Variants in ERC2 observed in about 807,000 individuals in gnomAD.
ERC2 encodes the protein ELKS/RAB6-interacting/CAST family member 2.
Under a neutral mutation model 114.8 loss-of-function variants are expected in ERC2, and 42 were observed. The ratio of observed to expected loss-of-function variants is 0.37; its 90% CI spans 0.29 to 0.47. The LOEUF (loss-of-function observed/expected upper bound fraction) is 0.47. Ranked by LOEUF, ERC2 falls within the 20% of genes least tolerant of loss-of-function variation. The probability of loss-of-function intolerance (pLI) is 0.99; values close to 1 mark genes in which losing one functional copy is unlikely to be tolerated. For missense variants in ERC2, 939 were observed against 1,150.7 expected, an observed-to-expected ratio of 0.82 and a Z score of 2.66; for synonymous variants, 454 against 425.5, an observed-to-expected ratio of 1.07 and a Z score of -0.82.
chr3:55,930,234 G>C (rs187115997), intron 13 of ERC2, among the ~76,000 whole-genome samples: 3 of 151,802 alleles, frequency 2.0e-5, no homozygotes, highest in Non-Finnish European at 4.4e-5. Flanking sequence ...GTGAGACTCC[G>C]TCTCAAGAAA....
At chr3:55,995,810 CAT>C (rs2071463120) in intron 10 of ERC2, among the ~76,000 whole-genome samples, 1 of 152,172 alleles carries the variant, frequency 6.6e-6, no homozygotes, top group Non-Finnish European at 1.5e-5. Context: ...GATCTACAGA[CAT>C]GAGTGATTCT....
chr3:56,250,180 T>C (rs1170546099), intron 3 of ERC2, among the ~76,000 whole-genome samples: 1 of 152,190 alleles, frequency 6.6e-6, no homozygotes, highest in African/African-American at 2.4e-5. Flanking sequence ...ATGGATATTC[T>C]TACACAGTAA....
At chr3:56,163,538 A>G (rs1026139681) in intron 4 of ERC2, among the ~76,000 whole-genome samples, 16 of 151,870 alleles carry the variant, frequency 1.1e-4, no homozygotes, top group African/African-American at 3.9e-4. Context: ...CATATTTTTG[A>G]CTCTGAGTGC....
Position 55,834,848 on chromosome 3 carries a change from A to G in ERC2, c.2564+53541T>C, listed in dbSNP as rs368513455. ...AAAGGATCAACAAAACTGATAGACC[A>G]CTAGCAAGACTAATAAAGAAGAAAA... On this transcript the variant is annotated intron_variant, in intron 14 of 17. Coordinates refer to ENST00000288221, the MANE Select transcript of ERC2 (RefSeq NM_015576.3). 4.4e-5 allele frequency among the ~76,000 whole-genome samples: 6 copies of G among 137,546 alleles called. No individual in the cohort carries two copies. In the East Asian group the frequency reaches 8.4e-4, roughly 19 times the overall value. 90.2% of individuals were successfully genotyped at this position (137,546 alleles called of 152,430 possible). A position where few individuals can be genotyped will look rare whatever the true frequency, so the allele number is the denominator to read the frequency against.
intron 12 of ERC2, among the ~76,000 whole-genome samples, chr3:55,972,841 A>C (rs951638371): frequency 1.3e-5 from 2 of 152,152 alleles, no homozygotes; most frequent in Non-Finnish European, 2.9e-5. Context: ...AGAGGTTTGC[A>C]GGTATATAGA....
intron 7 of ERC2, among the ~76,000 whole-genome samples, chr3:56,023,202 T>C (rs1050975200): frequency 6.6e-6 from 1 of 152,154 alleles, no homozygotes; most frequent in Admixed American, 6.5e-5. Context: ...CCTCCTTCCA[T>C]TTGGTCTCCA....
intron 17 of ERC2, among the ~76,000 whole-genome samples, chr3:55,615,773 G>A (rs2148581391): frequency 6.6e-6 from 1 of 152,248 alleles, no homozygotes; most frequent in East Asian, 1.9e-4. Flanking sequence ...GTCTTTACGA[G>A]GAAGCAATTC....
chr3:55,936,941 G>A (rs372059776), intron 13 of ERC2, among the ~76,000 whole-genome samples: 34 of 152,146 alleles, frequency 2.2e-4, no homozygotes, highest in Non-Finnish European at 5.9e-5. Flanking sequence ...ACCATCACCC[G>A]AAACTTATCA....
chr3:56,313,001 CATATATATATAT>C lies in ERC2; in HGVS notation c.658-16578_658-16567del, dbSNP rs3055903. On this transcript the variant is annotated intron_variant, in intron 2 of 17. Transcript: ENST00000288221. ...TTAATATTTAGTGAATATGTATATT[CATATATATATAT>C]ATATATATATATATATATATATATG... 1.4e-3 allele frequency among the ~76,000 whole-genome samples: 63 copies of C among 43,880 alleles called. 1 individual carries two copies. Among genetic ancestry groups the C allele is most frequent in the Admixed American group, 3.5e-3 (10 of 2,888 alleles). 28.8% of individuals were successfully genotyped at this position (43,880 alleles called of 152,430 possible).
chr3:56,081,935 A>T (rs527673065), intron 6 of ERC2, among the ~76,000 whole-genome samples: 2 of 152,344 alleles, frequency 1.3e-5, no homozygotes, highest in East Asian at 3.9e-4. Flanking sequence ...TTAAAATGCA[A>T]CTGTGACAAA....
At chr3:56,212,164 G>T (rs2049105535) in intron 3 of ERC2, among the ~76,000 whole-genome samples, 1 of 152,072 alleles carries the variant, frequency 6.6e-6, no homozygotes, top group African/African-American at 2.4e-5. Context: ...AGAATAAACA[G>T]AGAACTGACA....
At chr3:56,348,889 AAGGAAGGAAGGAAGGAAAGAAG>A (rs1490376656) in intron 2 of ERC2, among the ~76,000 whole-genome samples, 135 of 37,764 alleles carry the variant, frequency 3.6e-3, no homozygotes, top group Non-Finnish European at 7.3e-3. Context: ...GGAAGGAAGG[AAGGAAGGAAGGAAGGAAAGAAG>A]GAAGGAAGGA....
rs778700850 is a variant in ERC2, at chr3:56,434,773, T to G, written c.235A>C (p.Thr79Pro). 6.2e-7 allele frequency: 1 copy of G among 1,613,990 alleles called. No individual in the cohort carries two copies. ...TTTGTAGCCCTTCCCAGAGTCATAG[T>G]GCCCTTTGGGTAGGTTGTTGAAGCC... Reference protein sequence around the residue: ...GVASTTYPKGTMTLGRATNRA... With the variant: ...GVASTTYPKGPMTLGRATNRA... The change falls in exon 2 of 18, where the codon ACT becomes CCT. Residue 79 changes from threonine to proline, a missense_variant. By Grantham distance (38) the Thr-to-Pro change is conservative. This residue lies in a region of ERC2 where 281 missense variants were observed against 307.4 expected (regional missense o/e 0.91). Transcript: ENST00000288221.
At chr3:55,572,747 T>A (rs1373092925) in intron 17 of ERC2, among the ~76,000 whole-genome samples, 1 of 152,138 alleles carries the variant, frequency 6.6e-6, no homozygotes, top group Non-Finnish European at 1.5e-5. Flanking sequence ...AGGGCCTCCC[T>A]CCAATAGTCA....
intron 7 of ERC2, among the ~76,000 whole-genome samples, chr3:56,042,595 A>C (rs1170906158): frequency 6.6e-6 from 1 of 152,170 alleles, no homozygotes; most frequent in Non-Finnish European, 1.5e-5. Context: ...CCCAAATTCA[A>C]ATGGACGGGT....
chr3:56,362,238 A>T (rs1343723522), intron 2 of ERC2, among the ~76,000 whole-genome samples: 1 of 152,212 alleles, frequency 6.6e-6, no homozygotes, highest in Non-Finnish European at 1.5e-5. Flanking sequence ...TCAAGGAGGA[A>T]TTTTAAGTGT....
At chr3:55,697,999 T>A (rs2063025750) in intron 16 of ERC2, among the ~76,000 whole-genome samples, 1 of 151,788 alleles carries the variant, frequency 6.6e-6, no homozygotes, top group East Asian at 1.9e-4. Flanking sequence ...GTGGTGGTGA[T>A]GGTGAAGGGT....
intron 3 of ERC2, among the ~76,000 whole-genome samples, chr3:56,223,035 A>C (rs972356645): frequency 6.6e-6 from 1 of 152,242 alleles, no homozygotes; most frequent in Non-Finnish European, 1.5e-5. Flanking sequence ...TTCTCATGAC[A>C]GGAATGAACA....
chr3:55,843,741 A>G (rs967711788), intron 14 of ERC2, among the ~76,000 whole-genome samples: 8 of 152,120 alleles, frequency 5.3e-5, no homozygotes, highest in South Asian at 4.1e-4. Flanking sequence ...TGTGGCCCCA[A>G]TGTTTCATGT....
Sources: gnomAD v4.1 joint callset for allele counts (sites outside exome capture counted in the v4.1 genomes callset) on GRCh38, gnomAD v4.1.1 for gene constraint, gnomAD v4.1.1 regional missense constraint, MANE v1.5 for transcripts, NCBI Gene and HGNC (gene_info 2026-07-23, HGNC 2026-07-21) for gene names.